Variants in CTNNA3 observed in about 807,000 individuals in gnomAD.
CTNNA3 encodes the protein catenin alpha 3.
A neutral mutation model predicts 95.7 loss-of-function variants in CTNNA3; 76 were observed. The ratio of observed to expected loss-of-function variants is 0.79; its 90% CI spans 0.66 to 0.96. The LOEUF (loss-of-function observed/expected upper bound fraction) is 0.96. Among genes scored for constraint, CTNNA3 ranks in the 40% least tolerant of loss-of-function variants. The pLI is 0.00. For synonymous variants in CTNNA3, 431 were observed against 374.4 expected (o/e 1.15, Z -1.74); for missense variants, 1,191 against 1,089.8 (o/e 1.09, Z -1.31).
chr10:67,460,732 C>T (rs917501133), intron 5 of CTNNA3, among the ~76,000 whole-genome samples: 8 of 151,660 alleles, frequency 5.3e-5, no homozygotes, highest in African/African-American at 1.9e-4. Flanking sequence ...TTTAAAAAGG[C>T]CATTTATTTT....
At chr10:67,675,084 C>A (rs1285290283) in intron 1 of CTNNA3, among the ~76,000 whole-genome samples, 2 of 151,970 alleles carry the variant, frequency 1.3e-5, no homozygotes, top group East Asian at 1.9e-4. Flanking sequence ...AACTAAGTTT[C>A]TTTTGACTTA....
At chr10:66,901,139 T>A (rs749175425) in intron 7 of CTNNA3, among the ~76,000 whole-genome samples, 34 of 152,052 alleles carry the variant, frequency 2.2e-4, no homozygotes, top group Non-Finnish European at 4.4e-4. Flanking sequence ...AAAGGTCGGG[T>A]TACCCACAAA....
chr10:66,773,244 C>T (rs939506824), intron 8 of CTNNA3, among the ~76,000 whole-genome samples: 3 of 152,180 alleles, frequency 2.0e-5, no homozygotes, highest in Admixed American at 2.0e-4. Context: ...ACACATACCA[C>T]TTCTCCTACA....
intron 14 of CTNNA3, among the ~76,000 whole-genome samples, chr10:66,088,485 TTGTGTGTGTGTGTGTGTGTGTG>T (rs3074377): frequency 2.9e-5 from 4 of 139,568 alleles, no homozygotes; most frequent in Non-Finnish European, 4.6e-5. Context: ...GGTAGGTGTT[TTGTGTGTGTGTGTGTGTGTGTG>T]TGTGTGTGTG....
At chr10:67,416,657 C>CA (rs1174924023) in intron 5 of CTNNA3, among the ~76,000 whole-genome samples, 1 of 142,844 alleles carries the variant, frequency 7.0e-6, no homozygotes, top group Non-Finnish European at 1.5e-5. Context: ...CATGAACAGA[C>CA]ACTTCTCAAA....
In CTNNA3 at chr10:65,981,296, G is replaced by A. The variant is rs147113879; in HGVS notation, c.2265+7396C>T. ...CTTAGGAATATACCTAACCAAGGAG[G>A]TGAAAGACTTCTACAAGGAAAACCA... On this transcript the variant is annotated intron_variant, in intron 16 of 17. Transcript: ENST00000433211. Among the ~76,000 whole-genome samples the A allele has an allele frequency of 6.1e-3, 931 of 152,034 alleles. 13 individuals are homozygous for A. Among genetic ancestry groups the A allele is most frequent in the African/African-American group, 0.021 (884 of 41,498 alleles).
intron 1 of CTNNA3, among the ~76,000 whole-genome samples, chr10:67,725,829 T>C (rs889663303): frequency 2.0e-5 from 3 of 149,882 alleles, no homozygotes; most frequent in African/African-American, 7.3e-5. Flanking sequence ...TCTTGATTTT[T>C]TTAAGTCTTA....
intron 10 of CTNNA3, among the ~76,000 whole-genome samples, chr10:66,591,871 A>G (rs1172733957): frequency 1.3e-5 from 2 of 152,122 alleles, no homozygotes; most frequent in Non-Finnish European, 2.9e-5. Context: ...TCTGAACACT[A>G]TATTTCTTTA....
chr10:66,515,560 A>T (rs2034403726), intron 11 of CTNNA3, among the ~76,000 whole-genome samples: 1 of 152,080 alleles, frequency 6.6e-6, no homozygotes. Context: ...GTATTAGTCC[A>T]TTCTCATGCT....
chr10:66,500,009 G>C (rs565334965), intron 11 of CTNNA3, among the ~76,000 whole-genome samples: 1 of 151,826 alleles, frequency 6.6e-6, no homozygotes, highest in Non-Finnish European at 1.5e-5. Flanking sequence ...CACCATGTTG[G>C]CCAGGCTTGT....
chr10:67,359,292 A>G (rs1296699403), intron 5 of CTNNA3, among the ~76,000 whole-genome samples: 2 of 151,974 alleles, frequency 1.3e-5, no homozygotes, highest in African/African-American at 2.4e-5. Flanking sequence ...TCAGGTGAGA[A>G]GAAATCAGTA....
intron 11 of CTNNA3, among the ~76,000 whole-genome samples, chr10:66,514,589 C>T (rs1314799607): frequency 6.6e-6 from 1 of 152,046 alleles, no homozygotes; most frequent in East Asian, 1.9e-4. Flanking sequence ...TCCACCAATC[C>T]TCATTTGATC....
At chr10:66,491,021 C>T (rs1839904704) in intron 11 of CTNNA3, among the ~76,000 whole-genome samples, 1 of 152,190 alleles carries the variant, frequency 6.6e-6, no homozygotes, top group African/African-American at 2.4e-5. Context: ...TTACTGATAT[C>T]TTGAAATTCC....
chr10:66,605,445 A>G (rs1325198351), intron 10 of CTNNA3, among the ~76,000 whole-genome samples: 2 of 152,180 alleles, frequency 1.3e-5, no homozygotes, highest in Non-Finnish European at 2.9e-5. Context: ...ATTCAAATTC[A>G]GGAAATGCGA....
intron 9 of CTNNA3, among the ~76,000 whole-genome samples, chr10:66,624,174 T>A (rs879700326): frequency 1.1e-4 from 16 of 152,280 alleles, no homozygotes; most frequent in Admixed American, 1.0e-3. Context: ...ACAAACAGAT[T>A]TGGGTTTGAA....
At chr10:67,673,313 C>T (rs1840475761) in intron 1 of CTNNA3, among the ~76,000 whole-genome samples, 1 of 147,282 alleles carries the variant, frequency 6.8e-6, no homozygotes, top group African/African-American at 2.5e-5. Flanking sequence ...CAAACAGGGA[C>T]AATTTGACTT....
At chr10:66,421,915 T>TATATATATATATATATATATATATATAC (rs1491235778) in intron 11 of CTNNA3, among the ~76,000 whole-genome samples, 2 of 128,900 alleles carry the variant, frequency 1.6e-5, no homozygotes, top group African/African-American at 3.1e-5. Context: ...TATATATATA[T>TATATATATATATATATATATATATATAC]ACACACACAC....
chr10:66,408,523 A>G (rs1564934673), intron 11 of CTNNA3, among the ~76,000 whole-genome samples: 1 of 152,150 alleles, frequency 6.6e-6, no homozygotes, highest in Admixed American at 6.5e-5. Context: ...TTCTATCTTT[A>G]TATCATCTTT....
rs143644533 is a variant in CTNNA3, at chr10:66,150,332, C to T, written c.1885-47083G>A. The stretch of plus-strand genomic sequence containing the variant: ...CTTCCACCATGATTGTGAGGCCTTG[C>T]CAGGCATGTGGAACTGTAAGTCCCT... On this transcript the variant is annotated intron_variant, in intron 13 of 17. Transcript: ENST00000433211. Among the ~76,000 whole-genome samples the T allele has an allele frequency of 2.5e-3, 387 of 152,242 alleles. 2 individuals carry two copies. Among genetic ancestry groups the T allele is most frequent in the African/African-American group, 8.9e-3 (371 of 41,556 alleles).
Sources: allele counts gnomAD v4.1 joint callset (sites outside exome capture counted in the v4.1 genomes callset), GRCh38; gene constraint gnomAD v4.1.1; transcripts MANE v1.5; gene names NCBI Gene and HGNC (gene_info 2026-07-23, HGNC 2026-07-21).